Variants in PHACTR1 observed in about 807,000 individuals in gnomAD.
PHACTR1 encodes the protein phosphatase and actin regulator 1.
Under a neutral mutation model 69.2 loss-of-function variants are expected in PHACTR1, and 16 were observed. The ratio of observed to expected loss-of-function variants is 0.23; its 90% CI spans 0.16 to 0.35. PHACTR1 has a LOEUF of 0.35. Among genes scored for constraint, PHACTR1 ranks in the 10% least tolerant of loss-of-function variants. The pLI, the probability that PHACTR1 is intolerant of heterozygous loss-of-function variation, is 1.00. For synonymous variants in PHACTR1, 312 were observed against 284.5 expected, an observed-to-expected ratio of 1.10 and a Z score of -0.97; for missense variants, 510 against 734.7, an observed-to-expected ratio of 0.69 and a Z score of 3.54.
chr6:13,045,179 C>T (rs772330619), intron 4 of PHACTR1, among the ~76,000 whole-genome samples: 3 of 152,124 alleles, frequency 2.0e-5, no homozygotes, highest in Non-Finnish European at 4.4e-5. Context: ...TCTCTTCTTT[C>T]GAGAATCACT....
chr6:12,887,862 A>G (rs767419013), intron 4 of PHACTR1, among the ~76,000 whole-genome samples: 1 of 151,920 alleles, frequency 6.6e-6, no homozygotes, highest in African/African-American at 2.4e-5. Flanking sequence ...TGAGCTCAGG[A>G]GTTCGAGACC....
At chr6:13,278,962 C>CAAAA (rs11372974) in intron 12 of PHACTR1, among the ~76,000 whole-genome samples, 1 of 134,626 alleles carries the variant, frequency 7.4e-6, no homozygotes, top group African/African-American at 2.8e-5. Context: ...GACTCTGTCT[C>CAAAA]AAAAAAAAAA....
intron 10 of PHACTR1, among the ~76,000 whole-genome samples, chr6:13,239,066 G>C (rs1372430001): frequency 6.6e-6 from 1 of 152,134 alleles, no homozygotes; most frequent in African/African-American, 2.4e-5. Context: ...AGGGAGTGGG[G>C]CACAGCTTAG....
intron 10 of PHACTR1, among the ~76,000 whole-genome samples, chr6:13,244,982 T>A (rs1773396174): frequency 6.6e-6 from 1 of 152,182 alleles, no homozygotes; most frequent in Non-Finnish European, 1.5e-5. Flanking sequence ...TACAAAAGTA[T>A]TAATTTGGGG....
chr6:13,095,976 T>G (rs1814175947), intron 5 of PHACTR1, among the ~76,000 whole-genome samples: 1 of 152,120 alleles, frequency 6.6e-6, no homozygotes, highest in Non-Finnish European at 1.5e-5. Context: ...GCTGTTTCTT[T>G]TAACTGTGTG....
At chr6:13,088,537 T>C (rs1812687991) in intron 5 of PHACTR1, among the ~76,000 whole-genome samples, 1 of 152,236 alleles carries the variant, frequency 6.6e-6, no homozygotes, top group Non-Finnish European at 1.5e-5. Context: ...GTAATGACTA[T>C]ATTTCAGGCA....
rs1166687152 is a variant in PHACTR1, at chr6:13,245,290, C to T, written c.1391+15097C>T. ...TCCACAATGGCTGTTTACAATCCCACCAGTAGCATGTAAGCATTCTCTTTT... is the reference window on the plus strand; with the variant it reads ...TCCACAATGGCTGTTTACAATCCCATCAGTAGCATGTAAGCATTCTCTTTT... On this transcript the variant is annotated intron_variant, in intron 10 of 14. Transcript: ENST00000332995. The surrounding 1 kb of genome is among the most constrained non-coding windows in gnomAD (Gnocchi z 4.1). 6.6e-6 allele frequency among the ~76,000 whole-genome samples: 1 copy of T among 152,218 alleles called. No homozygotes were observed. The highest frequency in any genetic ancestry group is 2.4e-5 in the African/African-American group (1 of 41,454).
chr6:13,097,947 A>G (rs574739020), intron 5 of PHACTR1, among the ~76,000 whole-genome samples: 2 of 152,248 alleles, frequency 1.3e-5, no homozygotes, highest in South Asian at 4.1e-4. Flanking sequence ...AATAGAAGAA[A>G]TGTCCCTCTG....
At chr6:12,854,916 G>A (rs902415396) in intron 4 of PHACTR1, among the ~76,000 whole-genome samples, 17 of 152,156 alleles carry the variant, frequency 1.1e-4, no homozygotes, top group Non-Finnish European at 2.2e-4. Flanking sequence ...GTAGAGAAAA[G>A]GGAATATACG....
intron 4 of PHACTR1, among the ~76,000 whole-genome samples, chr6:12,910,500 A>G (rs1397358370): frequency 6.6e-6 from 1 of 152,206 alleles, no homozygotes; most frequent in Non-Finnish European, 1.5e-5. Flanking sequence ...TTCTCTAGGA[A>G]AATGTATTGC....
intron 4 of PHACTR1, among the ~76,000 whole-genome samples, chr6:12,899,681 ACATCTTTATG>A (rs1784999210): frequency 2.6e-5 from 4 of 152,238 alleles, no homozygotes; most frequent in Middle Eastern, 3.2e-3. Context: ...CTCCCAAAGG[ACATCTTTATG>A]CTTAGGATAA....
chr6:12,806,126 T>C (rs1774300891), intron 4 of PHACTR1, among the ~76,000 whole-genome samples: 1 of 151,784 alleles, frequency 6.6e-6, no homozygotes, highest in African/African-American at 2.4e-5. Context: ...CTCTCCAGTC[T>C]CAAGGCTTTA....
intron 4 of PHACTR1, among the ~76,000 whole-genome samples, chr6:12,954,854 C>G (rs1791690052): frequency 6.6e-6 from 1 of 152,028 alleles, no homozygotes; most frequent in Non-Finnish European, 1.5e-5. Context: ...AAATTTGTTC[C>G]CCTAAAATAA....
intron 4 of PHACTR1, among the ~76,000 whole-genome samples, chr6:12,996,145 T>G (rs572564698): frequency 1.6e-4 from 24 of 152,200 alleles, no homozygotes; most frequent in African/African-American, 5.5e-4. Context: ...GAATTAGCCA[T>G]GCCGTCAACT....
At chr6:13,177,969 G>C (rs547783305) in intron 6 of PHACTR1, among the ~76,000 whole-genome samples, 1 of 152,314 alleles carries the variant, frequency 6.6e-6, no homozygotes, top group East Asian at 1.9e-4. Context: ...CATTCTCTCT[G>C]ATTTGGTGTT....
chr6:12,902,051 GC>G (rs1019773677), intron 4 of PHACTR1, among the ~76,000 whole-genome samples: 6 of 152,122 alleles, frequency 3.9e-5, no homozygotes, highest in Non-Finnish European at 7.4e-5. Flanking sequence ...GAGTTGCTAA[GC>G]CCCCTACATG....
intron 7 of PHACTR1, chr6:13,185,075 C>A (rs1762668904): frequency 3.3e-6 from 4 of 1,199,946 alleles, no homozygotes; most frequent in Non-Finnish European, 4.4e-6. Flanking sequence ...TTCTCTTGTT[C>A]TTTGAACTGA....
At chr6:12,772,057 G>A (rs1243581868) in intron 4 of PHACTR1, among the ~76,000 whole-genome samples, 1 of 152,284 alleles carries the variant, frequency 6.6e-6, no homozygotes, top group East Asian at 1.9e-4. Flanking sequence ...AGAAAGTAGA[G>A]GCACTAAAAG....
chr6:12,747,065 T>A (rs1396742091), intron 3 of PHACTR1, among the ~76,000 whole-genome samples: 5 of 152,220 alleles, frequency 3.3e-5, no homozygotes, highest in Non-Finnish European at 7.3e-5. Flanking sequence ...CATATAGGAC[T>A]CCGCTGCGCC....
Sources: allele counts gnomAD v4.1 joint callset (sites outside exome capture counted in the v4.1 genomes callset), GRCh38; gene constraint gnomAD v4.1.1; non-coding constraint Gnocchi (gnomAD v3.1); transcripts MANE v1.5; gene names NCBI Gene and HGNC (gene_info 2026-07-23, HGNC 2026-07-21).